The following PLAAT3 variants were observed in gnomAD, a reference collection of about 807,000 sequenced individuals.
PLAAT3 encodes Ca-independent phospholipase A1/2.
PLAAT3 carries 21 observed loss-of-function variants against 16.7 expected under a neutral mutation model. The observed-to-expected ratio is 1.26, with a 90% CI of 0.89 to 1.81. PLAAT3 has a LOEUF of 1.81. PLAAT3 is among the 40% of genes most tolerant of loss of function. The pLI, the probability that PLAAT3 is intolerant of heterozygous loss-of-function variation, is 0.00. For synonymous variants in PLAAT3, 76 were observed against 81.7 expected (o/e 0.93, Z 0.38); for missense variants, 219 against 213.7 (o/e 1.02, Z -0.16).
chr11:63,613,875 AG>A (rs1938757075), intron 2 of PLAAT3, 124 bp downstream of exon 2: 1 of 666,058 alleles, frequency 1.5e-6, no homozygotes, highest in Non-Finnish European at 2.7e-6. Context: ...CGCAGCTGAC[AG>A]AGGTGCGGGC....
chr11:63,615,017 A>AATATATATATATATATATATAT (rs1338719563), upstream of PLAAT3, among the ~76,000 whole-genome samples: 61 of 17,514 alleles, frequency 3.5e-3, 13 homozygotes, highest in East Asian at 0.036. Context: ...TCAGTCTCAA[A>AATATATATATATATATATATAT]ATATATATAT....
At chr11:63,580,118 TAG>T (rs1937763405) in intron 4 of PLAAT3, among the ~76,000 whole-genome samples, 3 of 151,940 alleles carry the variant, frequency 2.0e-5, no homozygotes, top group African/African-American at 7.2e-5. Flanking sequence ...AGACATGAGA[TAG>T]AGAAAATGGG....
At chr11:63,597,165 C>A (rs899719075) in intron 3 of PLAAT3, among the ~76,000 whole-genome samples, 46 of 152,162 alleles carry the variant, frequency 3.0e-4, no homozygotes, top group African/African-American at 1.0e-3. Context: ...TTCCCCTTCA[C>A]CTTCTGCCAT....
intron 2 of PLAAT3, among the ~76,000 whole-genome samples, chr11:63,612,002 G>A (rs1446323636): frequency 6.6e-6 from 1 of 152,222 alleles, no homozygotes; most frequent in Non-Finnish European, 1.5e-5. Flanking sequence ...GCCAGGCGCG[G>A]TGGCGCATGC....
upstream of PLAAT3, among the ~76,000 whole-genome samples, chr11:63,615,994 T>C (rs542954465): frequency 6.6e-6 from 1 of 152,172 alleles, no homozygotes; most frequent in Non-Finnish European, 1.5e-5. Flanking sequence ...TGACAAAAAT[T>C]GCCACGTATT....
intron 3 of PLAAT3, among the ~76,000 whole-genome samples, chr11:63,594,142 G>A (rs563876660): frequency 3.3e-5 from 5 of 152,364 alleles, no homozygotes; most frequent in African/African-American, 1.2e-4. Flanking sequence ...TTAGGCCTGA[G>A]CAGCTGAATG....
chr11:63,591,618 C>T (rs1338728724), intron 3 of PLAAT3, among the ~76,000 whole-genome samples: 1 of 152,216 alleles, frequency 6.6e-6, no homozygotes, highest in African/African-American at 2.4e-5. Context: ...TCAGGTCCTG[C>T]TCTTCTCCGC....
intron 4 of PLAAT3, among the ~76,000 whole-genome samples, chr11:63,586,774 T>G (rs185689262): frequency 6.6e-6 from 1 of 152,246 alleles, no homozygotes; most frequent in East Asian, 1.9e-4. Context: ...TAAATGTTCA[T>G]TTTCAAATTT....
intron 3 of PLAAT3, 129 bp downstream of exon 3, chr11:63,597,932 T>C (rs1225203234): frequency 3.3e-5 from 22 of 673,006 alleles, no homozygotes; most frequent in Non-Finnish European, 5.9e-5. Context: ...AAACTTCTTG[T>C]AACATTCAGA....
At chr11:63,585,158 G>A (rs796802396) in intron 4 of PLAAT3, among the ~76,000 whole-genome samples, 12 of 151,814 alleles carry the variant, frequency 7.9e-5, no homozygotes, top group African/African-American at 1.7e-4. Flanking sequence ...CCGAGTAGCC[G>A]GGACTACCGG....
At chr11:63,597,108 A>AT (rs1938306334) in intron 3 of PLAAT3, among the ~76,000 whole-genome samples, 1 of 151,344 alleles carries the variant, frequency 6.6e-6, no homozygotes, top group Non-Finnish European at 1.5e-5. Flanking sequence ...AAAAAAAAAA[A>AT]GTGTGGCACT....
At chr11:63,581,887 C>G (rs1436566202) in intron 4 of PLAAT3, among the ~76,000 whole-genome samples, 1 of 152,140 alleles carries the variant, frequency 6.6e-6, no homozygotes, top group Non-Finnish European at 1.5e-5. Flanking sequence ...GACTGGTTCC[C>G]CCAATACCAG....
At chr11:63,597,163 C>T (rs932032154) in intron 3 of PLAAT3, among the ~76,000 whole-genome samples, 1 of 152,064 alleles carries the variant, frequency 6.6e-6, no homozygotes, top group Non-Finnish European at 1.5e-5. Context: ...GCTTCCCCTT[C>T]ACCTTCTGCC....
chr11:63,598,651 G>A (rs1234334721), intron 2 of PLAAT3: 2 of 515,990 alleles, frequency 3.9e-6, no homozygotes, highest in Admixed American at 2.0e-5. Context: ...CTGATTCCCA[G>A]CCCAGTCTGA....
intron 4 of PLAAT3, among the ~76,000 whole-genome samples, chr11:63,577,537 T>C (rs1937648840): frequency 7.2e-6 from 1 of 139,746 alleles, no homozygotes; most frequent in Non-Finnish European, 1.6e-5. Context: ...TCCTCTAAAA[T>C]TGAAGACAGA....
At chr11:63,604,760 C>CA (rs1330582963) in intron 2 of PLAAT3, among the ~76,000 whole-genome samples, 111 of 139,290 alleles carry the variant, frequency 8.0e-4, no homozygotes, top group Admixed American at 3.9e-3. Context: ...AAGACTGCCT[C>CA]AAAAAAAAAA....
chr11:63,614,090 T>C, intron 1 of PLAAT3, 22 bp from the exon 2 acceptor site: 1 of 1,609,608 alleles, frequency 6.2e-7, no homozygotes. Flanking sequence ...GGAGCAGGGA[T>C]TTATTGTCAT....
Position 63,589,970 on chromosome 11 carries a change from G to A in PLAAT3, c.387+130C>T. On this transcript the variant is annotated intron_variant, in intron 4 of 4. Coordinates refer to ENST00000415826, the MANE Select transcript of PLAAT3 (RefSeq NM_001128203.2). ...TTGTCCCCACCCTTGTCCCAACTGT[G>A]ACATCCTCAAGGGCAGTAATTCTGT... The A allele has an allele frequency of 4.2e-6, 3 of 721,544 alleles. No homozygotes were observed. In the South Asian group the frequency reaches 4.7e-5, roughly 11 times the overall value. The allele number at this position is 721,544 out of a possible 1,614,324, so 44.7% of individuals were successfully genotyped here. A position where few individuals can be genotyped will look rare whatever the true frequency, so the allele number is the denominator to read the frequency against.
intron 3 of PLAAT3, among the ~76,000 whole-genome samples, chr11:63,595,395 T>C (rs1938264387): frequency 6.6e-6 from 1 of 151,624 alleles, no homozygotes; most frequent in Admixed American, 6.6e-5. Context: ...AATTGTAGCA[T>C]ATTCATATAA....
Sources: allele counts gnomAD v4.1 joint callset (sites outside exome capture counted in the v4.1 genomes callset), GRCh38; gene constraint gnomAD v4.1.1; transcripts MANE v1.5; gene names NCBI Gene and HGNC (gene_info 2026-07-23, HGNC 2026-07-21).